Variants in MALRD1 observed in about 807,000 individuals in gnomAD.
The protein encoded by MALRD1 is MAM and LDL receptor class A domain containing 1.
A neutral mutation model predicts 242.1 loss-of-function variants in MALRD1; 247 were observed. The ratio of observed to expected loss-of-function variants is 1.02; its 90% CI spans 0.92 to 1.13. The LOEUF is 1.13. MALRD1 is among the 50% of genes most tolerant of loss of function. The probability of loss-of-function intolerance (pLI) is 0.00; values close to 1 mark genes in which losing one functional copy is unlikely to be tolerated. For missense variants in MALRD1, 2,989 were observed against 2,533.1 expected, an observed-to-expected ratio of 1.18 and a Z score of -3.86; for synonymous variants, 995 against 866.6, an observed-to-expected ratio of 1.15 and a Z score of -2.60.
chr10:19,121,365 A>C (rs936544868), intron 5 of MALRD1, among the ~76,000 whole-genome samples: 5 of 152,122 alleles, frequency 3.3e-5, no homozygotes. Flanking sequence ...AAATAGATAA[A>C]ATGGAAATGG....
chr10:19,695,284 GA>G (rs1833321825), intron 38 of MALRD1, among the ~76,000 whole-genome samples: 1 of 152,044 alleles, frequency 6.6e-6, no homozygotes, highest in Admixed American at 6.6e-5. Context: ...AAAAAGAGAT[GA>G]GGGGCTAGAT....
At chr10:19,496,946 G>T (rs1453647438) in intron 30 of MALRD1, among the ~76,000 whole-genome samples, 2 of 152,124 alleles carry the variant, frequency 1.3e-5, no homozygotes, top group Non-Finnish European at 2.9e-5. Flanking sequence ...TTAAGAAAGA[G>T]AAAAGTGGCA....
chr10:19,416,355 G>T (rs929774708), intron 28 of MALRD1, among the ~76,000 whole-genome samples: 2 of 152,154 alleles, frequency 1.3e-5, no homozygotes, highest in Non-Finnish European at 2.9e-5. Context: ...TGTGGGAAGG[G>T]ACTACCGAAG....
intron 1 of MALRD1, among the ~76,000 whole-genome samples, chr10:19,053,455 G>A (rs1834568279): frequency 6.6e-6 from 1 of 152,176 alleles, no homozygotes; most frequent in South Asian, 2.1e-4. Flanking sequence ...AAAGAAGCTG[G>A]TGTGGACAGC....
At chr10:19,720,236 T>G (rs1377520071) in intron 38 of MALRD1, among the ~76,000 whole-genome samples, 1 of 152,156 alleles carries the variant, frequency 6.6e-6, no homozygotes, top group Admixed American at 6.5e-5. Context: ...ATAAAATCTC[T>G]CCTCCCTCCT....
chr10:19,679,111 T>C (rs1292497164), intron 36 of MALRD1, among the ~76,000 whole-genome samples: 4 of 152,126 alleles, frequency 2.6e-5, no homozygotes, highest in Admixed American at 2.6e-4. Flanking sequence ...ATTTGTCTGA[T>C]GTTTTCTTTT....
At chr10:19,595,512 A>G in intron 34 of MALRD1, 55 bp downstream of exon 34, 10 of 1,496,588 alleles carry the variant, frequency 6.7e-6, no homozygotes, top group Non-Finnish European at 7.2e-6. Context: ...CTTTAAAATG[A>G]GAAAGAAAGC....
chr10:19,514,004 C>T (rs1034482409), intron 31 of MALRD1, among the ~76,000 whole-genome samples: 22 of 152,162 alleles, frequency 1.4e-4, no homozygotes, highest in African/African-American at 4.6e-4. Context: ...GAAACCTGTA[C>T]TTGTTAGAGT....
At chr10:19,221,809 T>G (rs1215745309) in intron 18 of MALRD1, among the ~76,000 whole-genome samples, 5 of 152,036 alleles carry the variant, frequency 3.3e-5, no homozygotes. Context: ...AAAATCCTGA[T>G]GATTAATGTG....
chr10:19,271,212 A>T (rs1240854802), intron 19 of MALRD1, among the ~76,000 whole-genome samples: 1 of 152,234 alleles, frequency 6.6e-6, no homozygotes, highest in East Asian at 1.9e-4. Context: ...AGAATGGCTA[A>T]CTACAATATA....
intron 5 of MALRD1, among the ~76,000 whole-genome samples, chr10:19,109,895 G>A (rs528737754): frequency 1.3e-5 from 2 of 152,318 alleles, no homozygotes; most frequent in African/African-American, 4.8e-5. Context: ...GCAGAGTTCT[G>A]TAGCATCAAA....
intron 13 of MALRD1, among the ~76,000 whole-genome samples, chr10:19,168,500 C>A (rs1000328901): frequency 1.3e-5 from 2 of 152,158 alleles, no homozygotes; most frequent in African/African-American, 2.4e-5. Context: ...GAAACACATG[C>A]CATTTCTGTC....
chr10:19,730,610 C>T (rs1835249032), intron 38 of MALRD1, 96 bp from the exon 39 acceptor site: 3 of 1,181,562 alleles, frequency 2.5e-6, no homozygotes, highest in Admixed American at 2.0e-5. Flanking sequence ...GGCTAGACAA[C>T]ATGTCTCTCA....
intron 31 of MALRD1, among the ~76,000 whole-genome samples, chr10:19,510,317 T>C (rs1252478024): frequency 1.3e-5 from 2 of 152,174 alleles, no homozygotes; most frequent in African/African-American, 2.4e-5. Flanking sequence ...TTTCCTCTTT[T>C]ACTAATCCTC....
chr10:19,204,782 AAGCGTCTTATG>A, intron 16 of MALRD1, 105 bp from the exon 17 acceptor site: 2 of 1,111,238 alleles, frequency 1.8e-6, no homozygotes, highest in Non-Finnish European at 2.5e-6. Flanking sequence ...CGGGAAAGAA[AAGCGTCTTATG>A]ATAACTCATT....
At chr10:19,472,288 T>C (rs1836534785) in intron 29 of MALRD1, among the ~76,000 whole-genome samples, 1 of 152,020 alleles carries the variant, frequency 6.6e-6, no homozygotes, top group African/African-American at 2.4e-5. Context: ...CAGTGTGCTG[T>C]TGAGTTCTGT....
chr10:19,587,512 G>T (rs1401611058), intron 33 of MALRD1, among the ~76,000 whole-genome samples: 1 of 152,120 alleles, frequency 6.6e-6, no homozygotes, highest in African/African-American at 2.4e-5. Flanking sequence ...TTATCCTTGG[G>T]CACTTTAGGC....
intron 36 of MALRD1, among the ~76,000 whole-genome samples, chr10:19,663,457 T>C (rs1477491046): frequency 1.3e-5 from 2 of 152,182 alleles, no homozygotes; most frequent in Admixed American, 6.6e-5. Flanking sequence ...TCCATGACTC[T>C]GCTATTGTGA....
intron 28 of MALRD1, among the ~76,000 whole-genome samples, chr10:19,416,023 C>A (rs1454214921): frequency 6.6e-6 from 1 of 152,142 alleles, no homozygotes; most frequent in East Asian, 1.9e-4. Flanking sequence ...TATAAACAAA[C>A]TGCTTATATG....
Sources: gnomAD v4.1 joint callset for allele counts (sites outside exome capture counted in the v4.1 genomes callset) on GRCh38, gnomAD v4.1.1 for gene constraint, MANE v1.5 for transcripts, NCBI Gene and HGNC (gene_info 2026-07-23, HGNC 2026-07-21) for gene names.